ZBED4: variants seen among roughly 807,000 people sequenced by gnomAD.
ZBED4 encodes the protein zinc finger BED domain-containing protein 4.
ZBED4 carries 4 observed loss-of-function variants against 15.5 expected under a neutral mutation model. The ratio of observed to expected loss-of-function variants is 0.26; its 90% confidence interval spans 0.13 to 0.59. ZBED4 has a LOEUF of 0.59. ZBED4 is among the 20% of genes least tolerant of loss of function. The pLI is 0.90. For synonymous variants in ZBED4, 692 were observed against 608.5 expected, an observed-to-expected ratio of 1.14 and a Z score of -2.02; for missense variants, 1,323 against 1,461.8, an observed-to-expected ratio of 0.91 and a Z score of 1.55.
At position 49,886,458 on chromosome 22, in the gene ZBED4, C is replaced by T. The variant is rs374917157; in HGVS notation, c.2796C>T (p.Ser932=). Residue 932 remains serine, a synonymous_variant, in exon 2 of 2, where the codon TCC becomes TCT. Transcript: ENST00000216268. The surrounding 1 kb of genome is among the most constrained non-coding windows in gnomAD (Gnocchi z 7.7). ...ISCDQWEVMQ[S]VCRALKPFEA... Reference sequence around the variant, plus strand: ...GCGACCAGTGGGAGGTCATGCAGTCCGTGTGCCGTGCGCTAAAGCCCTTCG... The same window carrying T: ...GCGACCAGTGGGAGGTCATGCAGTCTGTGTGCCGTGCGCTAAAGCCCTTCG... 1.4e-4 allele frequency: 225 copies of T among 1,574,002 alleles called. 1 individual carries two copies. The highest frequency in any genetic ancestry group is 1.0e-3 in the Admixed American group (58 of 55,338).
chr22:49,885,715 C>T lies in ZBED4; in HGVS notation c.2053C>T (p.Leu685Phe). The T allele has an allele frequency of 1.9e-6, 3 of 1,607,152 alleles. No individual in the cohort carries two copies. Among genetic ancestry groups the T allele is most frequent in the Non-Finnish European group, 2.6e-6 (3 of 1,174,662 alleles). The change falls in exon 2 of 2, where the codon CTT (leucine) becomes TTT (phenylalanine). Residue 685 changes from leucine (L) to phenylalanine (F), a missense_variant. Leu to Phe is a conservative substitution (Grantham distance 22). This residue lies in a region of ZBED4 where 89 missense variants were observed against 129.8 expected (regional missense o/e 0.69). Coordinates refer to ENST00000216268, the MANE Select transcript of ZBED4 (RefSeq NM_014838.3). ...AGACAACGTTGGCTTTAACAGGCTG[C>T]TTGAATACTTGAAACCTCAGTACTC... ...FVDNVGFNRL[L>F]EYLKPQYSLP...
At chr22:49,861,768 G>A (rs1324134179) in intron 1 of ZBED4, among the ~76,000 whole-genome samples, 1 of 152,224 alleles carries the variant, frequency 6.6e-6, no homozygotes, top group Non-Finnish European at 1.5e-5. Context: ...CTCAGCACAT[G>A]TATGAATGTG....
At chr22:49,854,383 C>T (rs550190278) in intron 1 of ZBED4, among the ~76,000 whole-genome samples, 98 of 152,170 alleles carry the variant, frequency 6.4e-4, no homozygotes, top group Non-Finnish European at 1.3e-3. Context: ...GTCCCTGGGA[C>T]TTCTCTGGAC....
intron 1 of ZBED4, among the ~76,000 whole-genome samples, chr22:49,859,985 A>G (rs1461027736): frequency 2.2e-5 from 3 of 139,504 alleles, no homozygotes; most frequent in African/African-American, 8.4e-5. Context: ...AGCATGGCAG[A>G]ACCCCATCTT....
intron 1 of ZBED4, among the ~76,000 whole-genome samples, chr22:49,865,242 A>C (rs2060316580): frequency 6.6e-6 from 1 of 152,056 alleles, no homozygotes; most frequent in Non-Finnish European, 1.5e-5. Flanking sequence ...TGTGTGTCCA[A>C]ACAGAAAAGG....
Position 49,889,170 on chromosome 22 carries a change from C to T in ZBED4, c.*1992C>T, listed in dbSNP as rs758443544. ...AATGCAACAGAGATTTCCGTGGACA[C>T]AGTCTCTAGTCTCACAGAGCATATA... On this transcript the variant is annotated 3_prime_UTR_variant, in exon 2 of 2. Coordinates refer to ENST00000216268, the MANE Select transcript of ZBED4 (RefSeq NM_014838.3). The T allele has an allele frequency of 2.4e-5, 4 of 167,142 alleles. No homozygotes were observed. The highest frequency in any genetic ancestry group is 2.1e-4 in the South Asian group (1 of 4,826). 10.4% of individuals were successfully genotyped at this position (167,142 alleles called of 1,614,324 possible).
At position 49,884,949 on chromosome 22, in the gene ZBED4, G is replaced by C. The variant is rs1405025659; in HGVS notation, c.1287G>C (p.Glu429Asp). 1.2e-6 allele frequency: 2 copies of C among 1,610,762 alleles called. No individual in the cohort carries two copies. The highest frequency in any genetic ancestry group is 1.7e-6 in the Non-Finnish European group (2 of 1,178,288). The change falls in exon 2 of 2, where the codon GAG becomes GAC. Residue 429 changes from glutamate (E) to aspartate (D), a missense_variant. Physicochemically the swap from Glu to Asp is conservative, Grantham distance 45. This residue lies in a region of ZBED4 where 429 missense variants were observed against 397.9 expected (regional missense o/e 1.08). Coordinates refer to ENST00000216268, the MANE Select transcript of ZBED4 (RefSeq NM_014838.3). ...GGGAGGCCTCGGCGTCCTCTCCTGA[G>C]AAGCAGCAGGCTGATGGGCTGAGTC... ...DIGEASASSP[E>D]KQQADGLSPR...
At chr22:49,874,672 CTTT>C (rs10636316) in intron 1 of ZBED4, among the ~76,000 whole-genome samples, 1 of 37,312 alleles carries the variant, frequency 2.7e-5, no homozygotes, top group Non-Finnish European at 4.4e-5. Context: ...CATGCCCAGC[CTTT>C]TTTTTTTTTT....
chr22:49,884,202 C>T lies in ZBED4; in HGVS notation c.540C>T (p.Ser180=), dbSNP rs1406929865. The change falls in exon 2 of 2, where the codon TCC becomes TCT. Residue 180 remains serine (S), a synonymous_variant. Coordinates refer to ENST00000216268, the MANE Select transcript of ZBED4 (RefSeq NM_014838.3). ...IQENGSVSAV[S]SFPSPSLLLP... Reference sequence around the variant, plus strand: ...AAAATGGCAGTGTGTCTGCCGTGTCCTCGTTCCCCTCTCCCTCACTCCTGC... The same window carrying T: ...AAAATGGCAGTGTGTCTGCCGTGTCTTCGTTCCCCTCTCCCTCACTCCTGC... 1 of 1,606,330 alleles carries T rather than the reference C, an allele frequency of 6.2e-7. No individual in the cohort carries two copies. The highest frequency in any genetic ancestry group is 8.5e-7 in the Non-Finnish European group (1 of 1,175,302).
At position 49,887,008 on chromosome 22, in the gene ZBED4, G is replaced by A. The variant is rs767020171; in HGVS notation, c.3346G>A (p.Ala1116Thr). The change falls in exon 2 of 2, where the codon GCG becomes ACG. Residue 1116 changes from alanine (A) to threonine (T), a missense_variant. By Grantham distance (58) the Ala-to-Thr change is moderately conservative. Around this residue, in one of 6 missense-constraint regions of ZBED4, gnomAD observed 312 missense variants for 410.7 expected, o/e 0.76. Transcript: ENST00000216268. The stretch of plus-strand genomic sequence containing the variant: ...GAAGGCGTCCTGGCCGGGGCTGTCC[G>A]CGCTGGCCGTCAGATTTTTGGGCTG... Reference protein sequence around the residue: ...LKKASWPGLSALAVRFLGCPP... With the variant: ...LKKASWPGLSTLAVRFLGCPP... The A allele has an allele frequency of 1.1e-5, 17 of 1,613,970 alleles. No individual in the cohort carries two copies. Among genetic ancestry groups the A allele is most frequent in the East Asian group, 4.5e-5 (2 of 44,886 alleles).
At chr22:49,872,277 A>G (rs566609231) in intron 1 of ZBED4, among the ~76,000 whole-genome samples, 1 of 152,264 alleles carries the variant, frequency 6.6e-6, no homozygotes, top group South Asian at 2.1e-4. Context: ...ATCTCAACAA[A>G]CTAGTTTCTT....
At chr22:49,871,771 T>TG (rs1193905543) in intron 1 of ZBED4, among the ~76,000 whole-genome samples, 1 of 150,934 alleles carries the variant, frequency 6.6e-6, no homozygotes, top group African/African-American at 2.4e-5. Context: ...TTTTTTTTTT[T>TG]TGAGACAGAG....
chr22:49,889,667 T>G lies in ZBED4; in HGVS notation c.*2489T>G, dbSNP rs1179270880. On this transcript the variant is annotated 3_prime_UTR_variant, in exon 2 of 2. Coordinates refer to ENST00000216268, the MANE Select transcript of ZBED4 (RefSeq NM_014838.3). ...TCCCTTCATTTCGTTGGTGGACATTTGTTGAAACCGGCACTCAATGGTCAA... is the reference window on the plus strand; with the variant it reads ...TCCCTTCATTTCGTTGGTGGACATTGGTTGAAACCGGCACTCAATGGTCAA... 6.0e-6 allele frequency: 1 copy of G among 167,250 alleles called. No homozygotes were observed. The highest frequency in any genetic ancestry group is 1.5e-5 in the Non-Finnish European group (1 of 68,128). The allele number at this position is 167,250 out of a possible 1,614,324, so 10.4% of individuals were successfully genotyped here.
At chr22:49,877,132 A>G (rs1319459216) in intron 1 of ZBED4, among the ~76,000 whole-genome samples, 1 of 152,156 alleles carries the variant, frequency 6.6e-6, no homozygotes, top group African/African-American at 2.4e-5. Context: ...TTTTTTTCCT[A>G]AACGAGAAAA....
chr22:49,884,382 C>T lies in ZBED4; in HGVS notation c.720C>T (p.Ser240=), dbSNP rs761999074. The T allele has an allele frequency of 1.8e-5, 29 of 1,612,438 alleles. No individual in the cohort carries two copies. The highest frequency in any genetic ancestry group is 1.1e-4 in the African/African-American group (8 of 74,874). ...VSSEEISSDM[S]VSEKCGREEA... is the part of the protein sequence containing the mutation. ...CTGAAGAAATCTCCTCTGACATGTC[C>T]GTTTCGGAGAAGTGCGGCAGAGAAG... is the stretch of plus-strand genomic sequence containing the variant. Residue 240 remains serine, a synonymous_variant, in exon 2 of 2, where the codon TCC becomes TCT. Transcript: ENST00000216268.
rs185503353 is a variant in ZBED4 at position 49,887,209 on chromosome 22, G to A, written c.*31G>A. The A allele has an allele frequency of 3.7e-5, 59 of 1,576,134 alleles. No individual in the cohort carries two copies. Among genetic ancestry groups the A allele is most frequent in the African/African-American group, 6.8e-5 (5 of 73,900 alleles). On this transcript the variant is annotated 3_prime_UTR_variant, in exon 2 of 2. Transcript: ENST00000216268. ...ACGACGGCACCACTAGGCCAGAGGC[G>A]TGGCTGCCCCAGCGTTAGCAGCCTG...
chr22:49,883,817 C>T lies in ZBED4; in HGVS notation c.155C>T (p.Thr52Ile). 6.2e-7 allele frequency: 1 copy of T among 1,612,840 alleles called. No individual in the cohort carries two copies. ...AGCGAGCAGGAGGACATGAAGCAGA[C>T]AGACAGCGGTGGGGAGCGAGCGGGC... ...FKSEQEDMKQ[T>I]DSGGERAGLG... The change falls in exon 2 of 2, where the codon ACA (threonine) becomes ATA (isoleucine). Residue 52 changes from threonine (T) to isoleucine (I), a missense_variant. This residue lies in a region of ZBED4 where 380 missense variants were observed against 413.7 expected (regional missense o/e 0.92). Coordinates refer to ENST00000216268, the MANE Select transcript of ZBED4 (RefSeq NM_014838.3).
intron 1 of ZBED4, among the ~76,000 whole-genome samples, chr22:49,861,871 C>G (rs1033331635): frequency 6.6e-6 from 1 of 152,140 alleles, no homozygotes; most frequent in African/African-American, 2.4e-5. Flanking sequence ...CTGGTGAGGA[C>G]TGTCTTCAGG....
At chr22:49,869,526 T>C (rs2060337193) in intron 1 of ZBED4, among the ~76,000 whole-genome samples, 1 of 152,242 alleles carries the variant, frequency 6.6e-6, no homozygotes, top group Non-Finnish European at 1.5e-5. Flanking sequence ...CAGGGAATAT[T>C]TGTACTGCTT....
Sources: gnomAD v4.1 joint callset for allele counts (sites outside exome capture counted in the v4.1 genomes callset) on GRCh38, gnomAD v4.1.1 for gene constraint, gnomAD v4.1.1 regional missense constraint, Gnocchi (gnomAD v3.1) non-coding constraint, MANE v1.5 for transcripts, NCBI Gene and HGNC (gene_info 2026-07-23, HGNC 2026-07-21) for gene names.